Variants in PRKCE observed in about 807,000 individuals in gnomAD.
PRKCE encodes protein kinase C epsilon, also known as protein kinase C epsilon type.
PRKCE carries 16 observed loss-of-function variants against 85.4 expected under a neutral mutation model. The observed-to-expected ratio is 0.19, with a 90% CI of 0.13 to 0.28. The LOEUF (loss-of-function observed/expected upper bound fraction) is 0.28. Among genes scored for constraint, PRKCE ranks in the 10% least tolerant of loss-of-function variants. PRKCE has a pLI of 1.00. For missense variants in PRKCE, 573 were observed against 975.2 expected (o/e 0.59, Z 5.49); for synonymous variants, 388 against 371.5 (o/e 1.04, Z -0.51).
In PRKCE at chr2:46,145,871, A is replaced by T. The variant is rs1038560012; in HGVS notation, c.1731+640A>T. On this transcript the variant is annotated intron_variant, in intron 12 of 14. Coordinates refer to ENST00000306156, the MANE Select transcript of PRKCE (RefSeq NM_005400.3). This position sits in a 1 kb window ranked among gnomAD's most constrained non-coding sequence, Gnocchi z 4.6. ...TGACAGAGCAAGACCCTGTCTCAAT[A>T]AAAAAAAAAGTAAAAAATAAAATCA... Among the ~76,000 whole-genome samples the T allele has an allele frequency of 2.7e-5, 4 of 148,060 alleles. No homozygotes were observed. Among genetic ancestry groups the T allele is most frequent in the East Asian group, 2.0e-4 (1 of 5,114 alleles).
intron 2 of PRKCE, among the ~76,000 whole-genome samples, chr2:45,859,803 CA>C (rs1262364125): frequency 6.6e-6 from 1 of 152,094 alleles, no homozygotes; most frequent in Non-Finnish European, 1.5e-5. Context: ...TCTGGGCTTC[CA>C]AATATGTTTC....
At chr2:45,694,367 T>C (rs1176677605) in intron 1 of PRKCE, among the ~76,000 whole-genome samples, 1 of 152,020 alleles carries the variant, frequency 6.6e-6, no homozygotes, top group Non-Finnish European at 1.5e-5. Context: ...TGGATATGGA[T>C]GATGGGCAGA....
At chr2:46,152,599 A>G (rs1676755172) in intron 13 of PRKCE, among the ~76,000 whole-genome samples, 2 of 151,978 alleles carry the variant, frequency 1.3e-5, no homozygotes, top group Admixed American at 1.3e-4. Flanking sequence ...CCCAGGCTGG[A>G]GTGCAGTGGC....
At chr2:46,059,052 C>T (rs1056036755) in intron 10 of PRKCE, among the ~76,000 whole-genome samples, 1 of 152,176 alleles carries the variant, frequency 6.6e-6, no homozygotes, top group African/African-American at 2.4e-5. Flanking sequence ...GTTGCAGTGG[C>T]TCATGCCTGT....
At chr2:45,741,010 C>G (rs1012467112) in intron 1 of PRKCE, among the ~76,000 whole-genome samples, 1 of 152,208 alleles carries the variant, frequency 6.6e-6, no homozygotes, top group Non-Finnish European at 1.5e-5. Context: ...GATGCAAACA[C>G]TTTTATTTTT....
At chr2:45,915,025 C>G (rs113754238) in intron 2 of PRKCE, among the ~76,000 whole-genome samples, 1 of 152,198 alleles carries the variant, frequency 6.6e-6, no homozygotes, top group Admixed American at 6.5e-5. Context: ...CCACCTCCAC[C>G]TTCTGGGTTC....
intron 1 of PRKCE, among the ~76,000 whole-genome samples, chr2:45,780,577 G>A (rs760486670): frequency 1.3e-5 from 2 of 152,202 alleles, no homozygotes; most frequent in Non-Finnish European, 1.5e-5. Context: ...GCCTCCCCAA[G>A]CAATCCCTTT....
At chr2:45,685,876 C>T (rs575728419) in intron 1 of PRKCE, among the ~76,000 whole-genome samples, 12 of 152,186 alleles carry the variant, frequency 7.9e-5, no homozygotes, top group Non-Finnish European at 1.6e-4. Flanking sequence ...AGATCCTGCT[C>T]TGGCAATTTA....
At chr2:45,676,888 G>A (rs1676482258) in intron 1 of PRKCE, 1 of 152,196 alleles carries the variant, frequency 6.6e-6, no homozygotes, top group African/African-American at 2.4e-5. Flanking sequence ...AACATGCCTA[G>A]ATAGGTACCC....
chr2:46,009,427 C>T (rs1184240418), intron 9 of PRKCE, among the ~76,000 whole-genome samples: 2 of 152,092 alleles, frequency 1.3e-5, no homozygotes, highest in African/African-American at 4.8e-5. Context: ...AGTCAGAAAA[C>T]AGTTAATTTT....
intron 1 of PRKCE, among the ~76,000 whole-genome samples, chr2:45,750,063 GT>G (rs1683427680): frequency 6.6e-6 from 1 of 152,116 alleles, no homozygotes; most frequent in South Asian, 2.1e-4. Context: ...GGTGAATAAT[GT>G]ATCATCTTCA....
At chr2:45,923,519 C>T (rs1443583112) in intron 2 of PRKCE, among the ~76,000 whole-genome samples, 1 of 152,194 alleles carries the variant, frequency 6.6e-6, no homozygotes, top group Non-Finnish European at 1.5e-5. Context: ...GGAGGTAGAG[C>T]AGAGTCCAGG....
intron 2 of PRKCE, among the ~76,000 whole-genome samples, chr2:45,938,253 G>A (rs1336407156): frequency 6.6e-6 from 1 of 152,158 alleles, no homozygotes; most frequent in Non-Finnish European, 1.5e-5. Context: ...TGCAAATATA[G>A]AAGCTGGTGT....
chr2:45,841,614 T>G (rs894210249), intron 1 of PRKCE, among the ~76,000 whole-genome samples: 4 of 152,190 alleles, frequency 2.6e-5, no homozygotes, highest in African/African-American at 9.7e-5. Flanking sequence ...TAATCTCCTT[T>G]GGCAGCACCC....
intron 2 of PRKCE, among the ~76,000 whole-genome samples, chr2:45,921,546 T>A (rs1238189407): frequency 6.6e-6 from 1 of 152,226 alleles, no homozygotes; most frequent in East Asian, 1.9e-4. Context: ...GAAAGCTCAG[T>A]TACAGAGTCA....
At chr2:45,912,116 C>G (rs73926111) in intron 2 of PRKCE, among the ~76,000 whole-genome samples, 2,811 of 152,192 alleles carry the variant, frequency 0.018, 99 homozygotes, top group African/African-American at 0.064. Context: ...AGCTACGCCC[C>G]TCTCATAGAA....
In PRKCE at chr2:46,157,000, A is replaced by T. The variant is rs76176342; in HGVS notation, c.1921-2606A>T. Among the ~76,000 whole-genome samples the T allele has an allele frequency of 3.7e-3, 557 of 152,338 alleles. 3 individuals are homozygous for T. The highest frequency in any genetic ancestry group is 0.013 in the African/African-American group (521 of 41,570). ...TTATACAATGGTAGGAATGCTGTAC[A>T]CGTATCTCATTTTCCTGTCGATGGT... On this transcript the variant is annotated intron_variant, in intron 13 of 14. Coordinates refer to ENST00000306156, the MANE Select transcript of PRKCE (RefSeq NM_005400.3).
At chr2:45,674,902 G>C (rs1340894602) in intron 1 of PRKCE, 1 of 152,208 alleles carries the variant, frequency 6.6e-6, no homozygotes, top group Non-Finnish European at 1.5e-5. Flanking sequence ...CAGTTGAACT[G>C]TTTGTCTGGG....
chr2:45,815,732 TAGGG>T (rs1270753907), intron 1 of PRKCE, among the ~76,000 whole-genome samples: 3 of 152,210 alleles, frequency 2.0e-5, no homozygotes, highest in Non-Finnish European at 4.4e-5. Context: ...AAGGAATAAC[TAGGG>T]AGGTTGTTGA....
Sources: allele counts gnomAD v4.1 joint callset (sites outside exome capture counted in the v4.1 genomes callset), GRCh38; gene constraint gnomAD v4.1.1; non-coding constraint Gnocchi (gnomAD v3.1); transcripts MANE v1.5; gene names NCBI Gene and HGNC (gene_info 2026-07-23, HGNC 2026-07-21).